The following ASTN2 variants were observed in gnomAD, a reference collection of about 807,000 sequenced individuals.
ASTN2 encodes the protein astrotactin 2, also known as astrotactin-2.
ASTN2 carries 54 observed loss-of-function variants against 139.8 expected under a neutral mutation model. That is an observed-to-expected ratio of 0.39 (90% CI 0.31 to 0.48). The LOEUF is 0.48. ASTN2 is among the 20% of genes least tolerant of loss of function. The pLI, the probability that ASTN2 is intolerant of heterozygous loss-of-function variation, is 0.95. For missense variants in ASTN2, 1,565 were observed against 1,725.1 expected, an observed-to-expected ratio of 0.91 and a Z score of 1.64; for synonymous variants, 756 against 719.5, an observed-to-expected ratio of 1.05 and a Z score of -0.81.
intron 2 of ASTN2, among the ~76,000 whole-genome samples, chr9:117,257,058 C>T (rs1336188334): frequency 6.6e-6 from 1 of 152,160 alleles, no homozygotes; most frequent in Non-Finnish European, 1.5e-5. Flanking sequence ...AAAAAAACCT[C>T]CACATTTTTC....
intron 19 of ASTN2, among the ~76,000 whole-genome samples, chr9:116,561,520 A>G (rs770814782): frequency 1.1e-4 from 17 of 152,342 alleles, no homozygotes; most frequent in Non-Finnish European, 1.9e-4. Flanking sequence ...AAGGAATTAC[A>G]CAAATTTACA....
intron 1 of ASTN2, among the ~76,000 whole-genome samples, chr9:117,303,058 A>G (rs929750526): frequency 2.6e-5 from 4 of 152,148 alleles, no homozygotes; most frequent in Non-Finnish European, 5.9e-5. Flanking sequence ...CTAAGAGCCC[A>G]GTTCAAAATG....
chr9:116,689,858 G>T (rs1266824486), intron 16 of ASTN2, among the ~76,000 whole-genome samples: 1 of 152,160 alleles, frequency 6.6e-6, no homozygotes. Flanking sequence ...ATAGGGTGAG[G>T]TATGGAGGCC....
chr9:117,005,080 ATTT>A (rs35759848), intron 7 of ASTN2, among the ~76,000 whole-genome samples: 2 of 74,666 alleles, frequency 2.7e-5, no homozygotes, highest in Admixed American at 2.1e-4. Flanking sequence ...CCTGTAGTCG[ATTT>A]TTTTTTTTTT....
At chr9:116,884,810 C>T (rs1197992085) in intron 10 of ASTN2, among the ~76,000 whole-genome samples, 1 of 124,628 alleles carries the variant, frequency 8.0e-6, no homozygotes, top group African/African-American at 3.1e-5. Flanking sequence ...TCCGCCCCCC[C>T]CCCACCCACT....
chr9:116,534,985 T>TGTGGG (rs1490046790), intron 19 of ASTN2, among the ~76,000 whole-genome samples: 2 of 152,192 alleles, frequency 1.3e-5, no homozygotes, highest in African/African-American at 4.8e-5. Context: ...ATTTTTATTG[T>TGTGGG]GTGGGAGCCT....
chr9:117,030,867 C>T (rs1838228094), intron 6 of ASTN2, among the ~76,000 whole-genome samples: 1 of 152,120 alleles, frequency 6.6e-6, no homozygotes, highest in Non-Finnish European at 1.5e-5. Context: ...AAAGTTTTCA[C>T]AGTTTATAAT....
At chr9:116,546,347 GGTAGGAGGGACATTGTCCCCAT>G (rs1418713159) in intron 19 of ASTN2, among the ~76,000 whole-genome samples, 1 of 152,110 alleles carries the variant, frequency 6.6e-6, no homozygotes. Context: ...ATCTAGATAG[GGTAGGAGGGACATTGTCCCCAT>G]TTCAGAAATG....
chr9:117,033,161 G>T (rs980893492), intron 6 of ASTN2, among the ~76,000 whole-genome samples: 8 of 152,180 alleles, frequency 5.3e-5, no homozygotes, highest in Non-Finnish European at 4.4e-5. Context: ...AAAAAATTAA[G>T]TGGTTTTAAA....
chr9:116,496,930 G>T (rs1849687090), intron 19 of ASTN2, among the ~76,000 whole-genome samples: 1 of 152,260 alleles, frequency 6.6e-6, no homozygotes, highest in East Asian at 1.9e-4. Context: ...TCCCACCAGG[G>T]TCCCTCCCAT....
At chr9:117,227,177 G>T (rs757480066) in intron 2 of ASTN2, among the ~76,000 whole-genome samples, 1 of 152,160 alleles carries the variant, frequency 6.6e-6, no homozygotes, top group South Asian at 2.1e-4. Context: ...ACAGAGTCAC[G>T]TTGGTGAAGG....
At chr9:116,761,202 T>C (rs1347381012) in intron 13 of ASTN2, among the ~76,000 whole-genome samples, 2 of 152,212 alleles carry the variant, frequency 1.3e-5, no homozygotes, top group Admixed American at 1.3e-4. Flanking sequence ...TCACTAAACA[T>C]TTGCTGATTG....
At chr9:116,431,455 C>T (rs768137001) in intron 22 of ASTN2, among the ~76,000 whole-genome samples, 4 of 152,074 alleles carry the variant, frequency 2.6e-5, no homozygotes, top group South Asian at 2.1e-4. Context: ...ATGGTGTCCT[C>T]GTCGGGCTCC....
At chr9:116,638,773 CTTAT>C (rs1857191416) in intron 17 of ASTN2, among the ~76,000 whole-genome samples, 1 of 139,258 alleles carries the variant, frequency 7.2e-6, no homozygotes, top group Non-Finnish European at 1.6e-5. Context: ...ACATTTGGAT[CTTAT>C]TTAGTTTCTG....
At chr9:117,399,691 C>G (rs1307663942) in intron 1 of ASTN2, among the ~76,000 whole-genome samples, 1 of 152,206 alleles carries the variant, frequency 6.6e-6, no homozygotes, top group Non-Finnish European at 1.5e-5. Context: ...TTCTATACCA[C>G]TAGAGATCCA....
At chr9:116,630,423 A>G (rs1473675735) in intron 17 of ASTN2, among the ~76,000 whole-genome samples, 1 of 152,160 alleles carries the variant, frequency 6.6e-6, no homozygotes, top group Non-Finnish European at 1.5e-5. Context: ...CATCAATGTC[A>G]CAAATCTAGG....
chr9:116,735,069 A>G (rs1380707583), intron 13 of ASTN2, among the ~76,000 whole-genome samples: 2 of 152,242 alleles, frequency 1.3e-5, no homozygotes, highest in South Asian at 2.1e-4. Context: ...GCAGACAAGT[A>G]GCATGAGATT....
intron 6 of ASTN2, among the ~76,000 whole-genome samples, chr9:117,033,140 C>G (rs547533465): frequency 6.6e-6 from 1 of 152,212 alleles, no homozygotes; most frequent in African/African-American, 2.4e-5. Context: ...GAAACATATT[C>G]TAAAAGTCCT....
chr9:117,127,254 C>T (rs932311492), intron 4 of ASTN2, among the ~76,000 whole-genome samples: 4 of 152,186 alleles, frequency 2.6e-5, no homozygotes, highest in African/African-American at 9.6e-5. Flanking sequence ...CTTTGGGACC[C>T]TTCTCCATGT....
Sources: allele counts gnomAD v4.1 joint callset (sites outside exome capture counted in the v4.1 genomes callset), GRCh38; gene constraint gnomAD v4.1.1; transcripts MANE v1.5; gene names NCBI Gene and HGNC (gene_info 2026-07-23, HGNC 2026-07-21).